The following PLEKHS1 variants were observed in gnomAD, a reference collection of about 807,000 sequenced individuals.
PLEKHS1 encodes pleckstrin homology domain-containing family S member 1.
In PLEKHS1, 55 loss-of-function variants were observed where a neutral mutation model predicts 51.0. The ratio of observed to expected loss-of-function variants is 1.08; its 90% CI spans 0.87 to 1.35. The LOEUF is 1.35. Ranked by LOEUF, PLEKHS1 falls within the 40% of genes most tolerant of loss-of-function variation. The pLI, the probability that PLEKHS1 is intolerant of heterozygous loss-of-function variation, is 0.00. For synonymous variants in PLEKHS1, 153 were observed against 144.8 expected (o/e 1.06, Z -0.41); for missense variants, 398 against 423.0 (o/e 0.94, Z 0.52).
chr10:113,780,871 G>C, exon 12 of PLEKHS1: 2 of 1,205,508 alleles, frequency 1.7e-6, no homozygotes, highest in South Asian at 1.5e-5. Context: ...GGAGACAGTC[G>C]GCACCCCCCT....
intron 7 of PLEKHS1, among the ~76,000 whole-genome samples, chr10:113,770,426 G>A (rs906435020): frequency 1.3e-5 from 2 of 152,128 alleles, no homozygotes; most frequent in Admixed American, 6.5e-5. Context: ...TCTTGAAAGC[G>A]ACTTGTAATT....
chr10:113,754,282 C>A (rs1299584663), intron 1 of PLEKHS1, among the ~76,000 whole-genome samples: 1 of 152,192 alleles, frequency 6.6e-6, no homozygotes, highest in Non-Finnish European at 1.5e-5. Context: ...GCTGCTTGGG[C>A]ACCTCCCTTT....
chr10:113,780,821 G>A (rs1463026645), exon 12 of PLEKHS1: 2 of 1,526,950 alleles, frequency 1.3e-6, no homozygotes, highest in African/African-American at 1.4e-5. Flanking sequence ...GGATGGAGCT[G>A]GGACTGTCCA....
At chr10:113,758,526 G>A (rs960853386) in intron 2 of PLEKHS1, among the ~76,000 whole-genome samples, 2 of 152,110 alleles carry the variant, frequency 1.3e-5, no homozygotes, top group Non-Finnish European at 2.9e-5. Flanking sequence ...AGGCTTTGTT[G>A]TTGCACTGAT....
intron 11 of PLEKHS1, among the ~76,000 whole-genome samples, chr10:113,780,002 T>C (rs546946861): frequency 1.3e-5 from 2 of 152,278 alleles, no homozygotes; most frequent in Non-Finnish European, 2.9e-5. Context: ...AAAAAGAATA[T>C]TGGAAAAGGG....
At chr10:113,779,569 C>CAAAAAAAAAA (rs566568556) in intron 11 of PLEKHS1, among the ~76,000 whole-genome samples, 10 of 111,570 alleles carry the variant, frequency 9.0e-5, no homozygotes, top group African/African-American at 3.0e-4. Context: ...GACTCTGTCT[C>CAAAAAAAAAA]AAAAAAAAAA....
At chr10:113,777,621 G>C in intron 11 of PLEKHS1, 1 of 1,543,578 alleles carries the variant, frequency 6.5e-7, no homozygotes. Flanking sequence ...GATGGTGCTG[G>C]TTGTTGGATA....
chr10:113,772,095 C>G lies in PLEKHS1; in HGVS notation c.672+6C>G, dbSNP rs750172315. Reference sequence around the variant, plus strand: ...CTCGAAGTGTTCTTTTAGAGGTAACCCCTTCTTGTCCATTCATCATTTGTT... The same window carrying G: ...CTCGAAGTGTTCTTTTAGAGGTAACGCCTTCTTGTCCATTCATCATTTGTT... On this transcript the variant is annotated splice_donor_region_variant and intron_variant, in intron 8 of 11. Transcript: ENST00000361048. 4 of 1,609,210 alleles carry G rather than the reference C, an allele frequency of 2.5e-6. No homozygotes were observed. The highest frequency in any genetic ancestry group is 1.1e-5 in the South Asian group (1 of 89,778).
intron 2 of PLEKHS1, among the ~76,000 whole-genome samples, chr10:113,762,365 CTTT>C (rs34457408): frequency 1.2e-3 from 74 of 61,764 alleles, no homozygotes; most frequent in African/African-American, 3.5e-3. Flanking sequence ...AGATTTGTTC[CTTT>C]TTTTTTTTTT....
At position 113,767,497 on chromosome 10, in the gene PLEKHS1, A is replaced by T. The variant is rs1444812091; in HGVS notation, c.359+18A>T. On this transcript the variant is annotated intron_variant, in intron 5 of 11. Transcript: ENST00000361048. ...CACGACAGGTGAGAGAAGTAAGATA[A>T]CACAGAATATCTACTGCATGCAAAA... 6.3e-7 allele frequency: 1 copy of T among 1,594,068 alleles called. No individual in the cohort carries two copies. The highest frequency in any genetic ancestry group is 1.8e-5 in the Admixed American group (1 of 55,184).
chr10:113,763,833 A>G (rs543162314), intron 2 of PLEKHS1, among the ~76,000 whole-genome samples: 217 of 152,326 alleles, frequency 1.4e-3, no homozygotes, highest in African/African-American at 4.9e-3. Flanking sequence ...AATGTTTTCA[A>G]TAATAAGAAA....
At chr10:113,757,190 G>A (rs953393630) in intron 2 of PLEKHS1, among the ~76,000 whole-genome samples, 3 of 152,168 alleles carry the variant, frequency 2.0e-5, no homozygotes, top group Non-Finnish European at 2.9e-5. Context: ...TGGGATTACA[G>A]GCATGAGCAC....
chr10:113,754,320 C>T (rs932698808), intron 1 of PLEKHS1, among the ~76,000 whole-genome samples: 1 of 152,170 alleles, frequency 6.6e-6, no homozygotes, highest in Non-Finnish European at 1.5e-5. Context: ...GAGAGTCTTA[C>T]TAACTTAAGG....
At chr10:113,778,718 A>G (rs1370071960) in intron 11 of PLEKHS1, among the ~76,000 whole-genome samples, 1 of 141,564 alleles carries the variant, frequency 7.1e-6, no homozygotes, top group Non-Finnish European at 1.5e-5. Context: ...AACTCGGCTC[A>G]CTGCAAGCTC....
intron 11 of PLEKHS1, chr10:113,777,767 C>T: frequency 3.4e-6 from 5 of 1,452,032 alleles, no homozygotes; most frequent in Non-Finnish European, 3.6e-6. Flanking sequence ...TTTAAAGCCT[C>T]AGTTTCATTA....
chr10:113,769,181 T>A (rs1457872665), intron 6 of PLEKHS1, among the ~76,000 whole-genome samples: 1 of 152,254 alleles, frequency 6.6e-6, no homozygotes, highest in African/African-American at 2.4e-5. Context: ...TTTTCCATCA[T>A]TGTTATTCAA....
intron 11 of PLEKHS1, chr10:113,777,742 T>C (rs2134585329): frequency 6.8e-7 from 1 of 1,465,166 alleles, no homozygotes; most frequent in African/African-American, 1.4e-5. Context: ...CATGGAATGT[T>C]ATTCAAGCCC....
In PLEKHS1 at chr10:113,769,799, G is replaced by C. The variant is rs147259181; in HGVS notation, c.451G>C (p.Gly151Arg). 597 of 1,612,708 alleles carry C rather than the reference G, an allele frequency of 3.7e-4. 5 individuals carry two copies. In the East Asian group the frequency reaches 9.4e-3, roughly 25 times the overall value. Residue 151 changes from glycine (G) to arginine (R), a missense_variant, in exon 7 of 12, where the codon GGT (glycine) becomes CGT (arginine). Transcript: ENST00000361048. ...TTGTGAGCAGGAGGAACTCTCATTG[G>C]GTAATAAAAGAACCCTCTTCTACTC... is the stretch of plus-strand genomic sequence containing the variant.
chr10:113,768,967 CT>C, intron 6 of PLEKHS1, 77 bp downstream of exon 6: 2 of 1,067,334 alleles, frequency 1.9e-6, no homozygotes, highest in Non-Finnish European at 2.7e-6. Context: ...GGTAGCTTTC[CT>C]TTGCCTCCTT....
Sources: gnomAD v4.1 joint callset for allele counts (sites outside exome capture counted in the v4.1 genomes callset) on GRCh38, gnomAD v4.1.1 for gene constraint, MANE v1.5 for transcripts, NCBI Gene and HGNC (gene_info 2026-07-23, HGNC 2026-07-21) for gene names.